The following CD2AP variants were observed in gnomAD, a reference collection of about 807,000 sequenced individuals.
The protein encoded by CD2AP is CD2 associated protein.
A neutral mutation model predicts 85.1 loss-of-function variants in CD2AP; 46 were observed. The ratio of observed to expected loss-of-function variants is 0.54; its 90% CI spans 0.43 to 0.69. CD2AP has a LOEUF of 0.69. Ranked by LOEUF, CD2AP falls within the 30% of genes least tolerant of loss-of-function variation. The pLI is 0.00. For synonymous variants in CD2AP, 255 were observed against 252.9 expected, an observed-to-expected ratio of 1.01 and a Z score of -0.08; for missense variants, 769 against 729.5, an observed-to-expected ratio of 1.05 and a Z score of -0.62.
chr6:47,626,952 A>T lies in CD2AP; in HGVS notation c.*2725A>T, dbSNP rs967809168. Reference sequence around the variant, plus strand: ...CTGCTATGAATATTTTTGGCTATAAAATTTTACCCTGACTTGCTTTCAATA... The same window carrying T: ...CTGCTATGAATATTTTTGGCTATAATATTTTACCCTGACTTGCTTTCAATA... On this transcript the variant is annotated 3_prime_UTR_variant, in exon 18 of 18. Transcript: ENST00000359314. 6.6e-6 allele frequency: 1 copy of T among 152,438 alleles called. No individual in the cohort carries two copies. Among genetic ancestry groups the T allele is most frequent in the Admixed American group, 6.6e-5 (1 of 15,256 alleles). The allele number at this position is 152,438 out of a possible 1,614,324, so 9.4% of individuals were successfully genotyped here. A position where few individuals can be genotyped will look rare whatever the true frequency, so the allele number is the denominator to read the frequency against.
chr6:47,537,323 G>A (rs1767078320), intron 3 of CD2AP, among the ~76,000 whole-genome samples: 2 of 151,984 alleles, frequency 1.3e-5, no homozygotes, highest in African/African-American at 4.8e-5. Flanking sequence ...TGAGTGTGTT[G>A]GTTCATGGTG....
chr6:47,595,730 T>C, intron 11 of CD2AP, 131 bp from the exon 12 acceptor site: 1 of 675,498 alleles, frequency 1.5e-6, no homozygotes, highest in Non-Finnish European at 2.6e-6. Context: ...AGTGCACATG[T>C]ATACAAATAC....
At chr6:47,602,739 A>G (rs1379650544) in intron 13 of CD2AP, among the ~76,000 whole-genome samples, 1 of 151,742 alleles carries the variant, frequency 6.6e-6, no homozygotes, top group Non-Finnish European at 1.5e-5. Flanking sequence ...AAAAAAAAAA[A>G]AAAGCTGGGC....
At chr6:47,506,898 C>T (rs1441509506) in intron 2 of CD2AP, among the ~76,000 whole-genome samples, 6 of 152,086 alleles carry the variant, frequency 3.9e-5, no homozygotes, top group African/African-American at 1.4e-4. Flanking sequence ...AAGTTTGCTG[C>T]ATCAATTTGC....
rs1351670965 is a variant in CD2AP at position 47,487,758 on chromosome 6, T to TA, written c.4+9511dup. On this transcript the variant is annotated intron_variant, in intron 1 of 17. Coordinates refer to ENST00000359314, the MANE Select transcript of CD2AP (RefSeq NM_012120.3). ...TATTCTCTTAGTGTGTAAATGACCT[T>TA]ACTTGATCTGAGCTCATTGATGCTG... 4.6e-5 allele frequency among the ~76,000 whole-genome samples: 7 copies of TA among 152,288 alleles called. No individual in the cohort carries two copies. In the East Asian group the frequency reaches 1.3e-3, roughly 29 times the overall value.
intron 5 of CD2AP, among the ~76,000 whole-genome samples, chr6:47,556,209 G>A (rs1402537453): frequency 3.4e-5 from 4 of 118,898 alleles, no homozygotes; most frequent in South Asian, 2.7e-4. Context: ...TTCCCCTTGC[G>A]CCCCCCTCAC....
chr6:47,560,654 G>A (rs558781576), intron 5 of CD2AP, among the ~76,000 whole-genome samples: 28 of 152,168 alleles, frequency 1.8e-4, no homozygotes, highest in African/African-American at 6.7e-4. Flanking sequence ...GTAATATTTG[G>A]AGGCACATGG....
At position 47,607,990 on chromosome 6, in the gene CD2AP, C is replaced by T. The variant is rs1332219962; in HGVS notation, c.1594C>T (p.Pro532Ser). ...AGAAGAAGACAGTGCCAACCTGAAG[C>T]CATCTGAATTAAAAAAAGATACATG... ...PKEEDSANLK[P>S]SELKKDTCYS... The change falls in exon 15 of 18, where the codon CCA becomes TCA. Residue 532 changes from proline (P) to serine (S), a missense_variant. Transcript: ENST00000359314. The T allele has an allele frequency of 6.2e-7, 1 of 1,612,850 alleles. No individual in the cohort carries two copies. Among genetic ancestry groups the T allele is most frequent in the Middle Eastern group, 1.7e-4 (1 of 6,056 alleles).
chr6:47,549,478 AAAT>A (rs1325988498), intron 4 of CD2AP, among the ~76,000 whole-genome samples: 5 of 150,620 alleles, frequency 3.3e-5, no homozygotes, highest in African/African-American at 1.2e-4. Flanking sequence ...AAAAAAAAAA[AAAT>A]AAGATGCTTA....
At chr6:47,482,615 T>C (rs1163628789) in intron 1 of CD2AP, among the ~76,000 whole-genome samples, 2 of 152,142 alleles carry the variant, frequency 1.3e-5, no homozygotes, top group Non-Finnish European at 2.9e-5. Flanking sequence ...CCTGACCTTG[T>C]AATCTGCCCC....
intron 5 of CD2AP, chr6:47,562,725 T>G: frequency 1.3e-6 from 1 of 759,022 alleles, no homozygotes. Context: ...GCAGTGAAAT[T>G]TGTGAAGCTG....
rs533900030 is a variant in CD2AP, at chr6:47,478,075, TAGG to T, written c.-167_-165del. The T allele has an allele frequency of 7.6e-3, 6,331 of 829,872 alleles. 27 individuals carry two copies. Among genetic ancestry groups the T allele is most frequent in the Non-Finnish European group, 9.9e-3 (5,049 of 512,380 alleles). 51.4% of individuals were successfully genotyped at this position (829,872 alleles called of 1,614,324 possible). A position where few individuals can be genotyped will look rare whatever the true frequency, so the allele number is the denominator to read the frequency against. ...TCGAGGGCCGCGCTGAAGAGACTGG[TAGG>T]AGAGCGCCGCGGGCGGATGGAGGCG... On this transcript the variant is annotated 5_prime_UTR_variant, in exon 1 of 18. Coordinates refer to ENST00000359314, the MANE Select transcript of CD2AP (RefSeq NM_012120.3).
chr6:47,609,513 C>CAAA lies in CD2AP; in HGVS notation c.1814+225_1814+227dup, dbSNP rs10580796. 26,179 of 140,768 alleles carry CAAA rather than the reference C, an allele frequency of 0.19. 2,882 individuals carry two copies. The highest frequency in any genetic ancestry group is 0.23 in the Non-Finnish European group (17,427 of 74,566). 8.7% of individuals were successfully genotyped at this position (140,768 alleles called of 1,614,324 possible). A position where few individuals can be genotyped will look rare whatever the true frequency, so the allele number is the denominator to read the frequency against. ...ACGACATGACAAAACCCCATCTTTG[C>CAAA]AAAAAAAAAAAAAAAAAAGAAAAGA... On this transcript the variant is annotated intron_variant, in intron 16 of 17. Transcript: ENST00000359314.
intron 3 of CD2AP, 140 bp downstream of exon 3, chr6:47,533,895 T>A: frequency 4.0e-6 from 3 of 756,364 alleles, no homozygotes; most frequent in Non-Finnish European, 6.4e-6. Flanking sequence ...TTACTAGTTA[T>A]TGCCCTGTGT....
chr6:47,573,649 C>T (rs1283529726), intron 5 of CD2AP, among the ~76,000 whole-genome samples: 4 of 151,896 alleles, frequency 2.6e-5, no homozygotes, highest in Middle Eastern at 3.4e-3. Flanking sequence ...CCACCATGCC[C>T]GGCTAATTTT....
chr6:47,567,419 A>G (rs990149068), intron 5 of CD2AP, among the ~76,000 whole-genome samples: 7 of 152,130 alleles, frequency 4.6e-5, no homozygotes, highest in African/African-American at 1.4e-4. Flanking sequence ...CCTTTTGTTA[A>G]TGTATTGTAC....
chr6:47,505,617 G>C (rs1220416114), intron 2 of CD2AP, among the ~76,000 whole-genome samples: 1 of 97,082 alleles, frequency 1.0e-5, no homozygotes, highest in Non-Finnish European at 2.3e-5. Context: ...GGCCGGGCGG[G>C]GGGGGCTGAC....
At chr6:47,593,267 CTT>C (rs1281752977) in intron 11 of CD2AP, among the ~76,000 whole-genome samples, 3 of 151,990 alleles carry the variant, frequency 2.0e-5, no homozygotes, top group Non-Finnish European at 4.4e-5. Context: ...AAATTAAAAA[CTT>C]ATATGCATTA....
At chr6:47,557,091 T>C (rs1767717733) in intron 5 of CD2AP, among the ~76,000 whole-genome samples, 1 of 152,220 alleles carries the variant, frequency 6.6e-6, no homozygotes, top group Non-Finnish European at 1.5e-5. Flanking sequence ...GTGAGCTTTT[T>C]TTCATAGGTT....
Sources: allele counts gnomAD v4.1 joint callset (sites outside exome capture counted in the v4.1 genomes callset), GRCh38; gene constraint gnomAD v4.1.1; transcripts MANE v1.5; gene names NCBI Gene and HGNC (gene_info 2026-07-23, HGNC 2026-07-21).